Variants in EXD3 observed in about 807,000 individuals in gnomAD.
EXD3 encodes exonuclease mut-7 homolog.
EXD3 carries 92 observed loss-of-function variants against 98.0 expected under a neutral mutation model. The ratio of observed to expected loss-of-function variants is 0.94; its 90% CI spans 0.79 to 1.12. The LOEUF is 1.12. Among genes scored for constraint, EXD3 ranks in the 50% most tolerant of loss-of-function variants. The pLI is 0.00. For missense variants in EXD3, 1,222 were observed against 1,191.6 expected, an observed-to-expected ratio of 1.03 and a Z score of -0.38; for synonymous variants, 569 against 526.0, an observed-to-expected ratio of 1.08 and a Z score of -1.12.
chr9:137,355,500 GGAGGAA>G (rs1564508327), intron 8 of EXD3, among the ~76,000 whole-genome samples: 66 of 82,306 alleles, frequency 8.0e-4, no homozygotes, highest in African/African-American at 1.8e-3. Context: ...GATGGAGGAA[GGAGGAA>G]GGAGGAAGGA....
chr9:137,310,071 G>A (rs1009503029), intron 19 of EXD3, among the ~76,000 whole-genome samples: 4 of 152,240 alleles, frequency 2.6e-5, no homozygotes, highest in African/African-American at 4.8e-5. Flanking sequence ...AGGGGTCAGC[G>A]TGGGCAGCCC....
At chr9:137,355,471 A>AGGAGAAAGGAGGAAGGAGGAC (rs1834608329) in intron 8 of EXD3, among the ~76,000 whole-genome samples, 3 of 110,392 alleles carry the variant, frequency 2.7e-5, no homozygotes, top group African/African-American at 1.3e-4. Context: ...GAAAGGAGGA[A>AGGAGAAAGGAGGAAGGAGGAC]GGAGGAAGGA....
chr9:137,363,250 G>T (rs1333803070), intron 7 of EXD3, among the ~76,000 whole-genome samples: 1 of 147,684 alleles, frequency 6.8e-6, no homozygotes, highest in Non-Finnish European at 1.5e-5. Flanking sequence ...TCTGGCTTCT[G>T]AGTTTAAGCT....
At chr9:137,323,935 T>C (rs1832238263) in intron 18 of EXD3, 79 bp from the exon 19 acceptor site, 1 of 1,538,338 alleles carries the variant, frequency 6.5e-7, no homozygotes, top group Non-Finnish European at 8.8e-7. Context: ...TCCGCCAGCA[T>C]GGGGCAGGAG....
chr9:137,310,666 C>A (rs1831311474), intron 19 of EXD3, among the ~76,000 whole-genome samples: 2 of 152,200 alleles, frequency 1.3e-5, no homozygotes, highest in South Asian at 4.1e-4. Context: ...CCAGTGGTCA[C>A]TTCCTGGACA....
At chr9:137,340,765 C>T (rs533273393) in intron 17 of EXD3, among the ~76,000 whole-genome samples, 2 of 152,104 alleles carry the variant, frequency 1.3e-5, no homozygotes, top group African/African-American at 2.4e-5. Flanking sequence ...GCAATTCTCC[C>T]GCCCTGGCCT....
intron 7 of EXD3, 144 bp downstream of exon 7, chr9:137,366,349 A>G: frequency 1.7e-6 from 2 of 1,168,630 alleles, no homozygotes; most frequent in Non-Finnish European, 2.5e-6. Context: ...CTCCAGCTGC[A>G]GTCACATGGC....
At chr9:137,398,706 C>T (rs1357281936) in intron 1 of EXD3, among the ~76,000 whole-genome samples, 1 of 150,088 alleles carries the variant, frequency 6.7e-6, no homozygotes, top group Admixed American at 6.6e-5. Flanking sequence ...CCCCGTGACA[C>T]ACGTGCACCC....
intron 9 of EXD3, 52 bp downstream of exon 9, chr9:137,354,648 T>A (rs1834514350): frequency 6.2e-7 from 1 of 1,604,520 alleles, no homozygotes; most frequent in East Asian, 2.2e-5. Context: ...GGCCAAACTC[T>A]GTGGCTCAGG....
chr9:137,383,434 C>T lies in EXD3; in HGVS notation c.56-57G>A, dbSNP rs953386291. 5.9e-6 allele frequency: 8 copies of T among 1,353,886 alleles called. No individual in the cohort carries two copies. In the African/African-American group the frequency reaches 1.0e-4, roughly 18 times the overall value. 83.9% of individuals were successfully genotyped at this position (1,353,886 alleles called of 1,614,324 possible). On this transcript the variant is annotated intron_variant, in intron 2 of 21. Coordinates refer to ENST00000340951, the MANE Select transcript of EXD3 (RefSeq NM_017820.5). ...AGAGGCAGGTGCAGGGGCTATCGCA[C>T]AGCCCGCCGGGAAGTCCCTCCCACT...
At chr9:137,368,107 G>T in intron 5 of EXD3, 118 bp from the exon 6 acceptor site, 2 of 811,026 alleles carry the variant, frequency 2.5e-6, no homozygotes, top group Non-Finnish European at 3.9e-6. Context: ...GGAGTGCAGG[G>T]CCTTCCCGTG....
chr9:137,315,098 C>CCCA (rs897315813), intron 19 of EXD3, among the ~76,000 whole-genome samples: 5 of 152,188 alleles, frequency 3.3e-5, no homozygotes, highest in Non-Finnish European at 5.9e-5. Context: ...CCCTGCCTGG[C>CCCA]CCACCAGGCT....
rs1277915295 is a variant in EXD3, at chr9:137,323,807, A to G, written c.2102T>C (p.Leu701Pro). The G allele has an allele frequency of 1.2e-6, 2 of 1,612,248 alleles. No homozygotes were observed. Among genetic ancestry groups the G allele is most frequent in the African/African-American group, 2.7e-5 (2 of 75,052 alleles). Reference protein sequence around the residue: ...AGRCLSVDCSLKAQQQAKAVL... With the variant: ...AGRCLSVDCSPKAQQQAKAVL... ...AGCCTTGGCCTGCTGCTGGGCCTTC[A>G]GGGAGCAGTCGACCGAGAGGCAGCG... The change falls in exon 19 of 22, where the codon CTG (leucine) becomes CCG (proline). Residue 701 changes from leucine (L) to proline (P), a missense_variant. By Grantham distance (98) the Leu-to-Pro change is moderately conservative. Coordinates refer to ENST00000340951, the MANE Select transcript of EXD3 (RefSeq NM_017820.5).
At position 137,353,907 on chromosome 9, in the gene EXD3, G is replaced by A. The variant is rs1050329939; in HGVS notation, c.870+432C>T. 5.4e-5 allele frequency: 54 copies of A among 1,000,830 alleles called. 1 individual carries two copies. In the Admixed American group the frequency reaches 2.8e-3, roughly 52 times the overall value. 62.0% of individuals were successfully genotyped at this position (1,000,830 alleles called of 1,614,324 possible). On this transcript the variant is annotated intron_variant, in intron 10 of 21. Transcript: ENST00000340951. The stretch of plus-strand genomic sequence containing the variant: ...TGGGTTCCCACGTGGACGACAATAC[G>A]TGGAAGCCGCCCGCATTCTTCAGGA...
At chr9:137,354,678 G>A (rs546660275) in intron 9 of EXD3, 22 bp downstream of exon 9, 5 of 1,609,674 alleles carry the variant, frequency 3.1e-6, no homozygotes, top group Middle Eastern at 1.7e-4. Context: ...GCTGCCCCCA[G>A]GACCCCCTCC....
intron 2 of EXD3, among the ~76,000 whole-genome samples, chr9:137,391,190 G>A (rs1008421186): frequency 2.6e-5 from 4 of 152,256 alleles, no homozygotes; most frequent in East Asian, 1.9e-4. Flanking sequence ...AGAGGGAGGC[G>A]TCTCCAGGAA....
chr9:137,316,025 C>T (rs1428120106), intron 19 of EXD3, among the ~76,000 whole-genome samples: 4 of 151,396 alleles, frequency 2.6e-5, no homozygotes, highest in Non-Finnish European at 5.9e-5. Flanking sequence ...CCCTTCTCCC[C>T]CTCCCCGGGG....
chr9:137,366,609 C>T lies in EXD3; in HGVS notation c.540G>A (p.Gln180=). The change falls in exon 7 of 22, where the codon CAG becomes CAA. Residue 180 remains glutamine (Q), a synonymous_variant. Transcript: ENST00000340951. Reference sequence around the variant, plus strand: ...AGCGCTCCACGAGGGCCACCTTGTCCTGGAGGAGCAGTGGGATGCTCATCT... The same window carrying T: ...AGCGCTCCACGAGGGCCACCTTGTCTTGGAGGAGCAGTGGGATGCTCATCT... ...VEKMSIPLLL[Q]DKVALVERYV... The T allele has an allele frequency of 6.4e-7, 1 of 1,557,684 alleles. No homozygotes were observed. The highest frequency in any genetic ancestry group is 1.2e-5 in the South Asian group (1 of 84,344).
intron 10 of EXD3, chr9:137,353,037 G>GCC: frequency 7.5e-7 from 1 of 1,326,984 alleles, no homozygotes; most frequent in South Asian, 1.8e-5. Flanking sequence ...TGGCCTTCCG[G>GCC]GTCTCCAAGC....
Sources: allele counts gnomAD v4.1 joint callset (sites outside exome capture counted in the v4.1 genomes callset), GRCh38; gene constraint gnomAD v4.1.1; transcripts MANE v1.5; gene names NCBI Gene and HGNC (gene_info 2026-07-23, HGNC 2026-07-21).